The following KRT8 variants were observed in gnomAD, a reference collection of about 807,000 sequenced individuals.
KRT8 encodes keratin, type II cytoskeletal 8.
A neutral mutation model predicts 43.0 loss-of-function variants in KRT8; 24 were observed. The observed-to-expected ratio is 0.56, with a 90% CI of 0.40 to 0.78. The LOEUF is 0.78. KRT8 is among the 30% of genes least tolerant of loss of function. KRT8 has a pLI of 0.00. For missense variants in KRT8, 492 were observed against 638.4 expected (o/e 0.77, Z 2.47); for synonymous variants, 214 against 261.2 (o/e 0.82, Z 1.74).
At chr12:52,930,154 T>C in intron 2 of KRT8, among the ~76,000 whole-genome samples, 1 of 152,188 alleles carries the variant, frequency 6.6e-6, no homozygotes, top group East Asian at 1.9e-4. Flanking sequence ...TTATTATTGT[T>C]ACTATTATTG....
chr12:52,899,868 G>C, exon 5 of KRT8: 2 of 1,612,342 alleles, frequency 1.2e-6, no homozygotes, highest in East Asian at 2.2e-5. Context: ...GGTCATCCCC[G>C]TGCTTCCCAG....
intron 2 of KRT8, among the ~76,000 whole-genome samples, chr12:52,918,240 A>AGAG (rs1941814284): frequency 1.3e-5 from 2 of 151,828 alleles, no homozygotes; most frequent in African/African-American, 4.8e-5. Context: ...AAGAAGAAGA[A>AGAG]GAAGAAGAAG....
At chr12:52,902,873 A>C (rs9652003) in intron 1 of KRT8, among the ~76,000 whole-genome samples, 2 of 152,040 alleles carry the variant, frequency 1.3e-5, no homozygotes, top group Non-Finnish European at 2.9e-5. Context: ...TTAACCGGGC[A>C]TGGTGGCACG....
At chr12:52,935,727 T>G (rs1942160362) in intron 2 of KRT8, among the ~76,000 whole-genome samples, 1 of 151,390 alleles carries the variant, frequency 6.6e-6, no homozygotes, top group South Asian at 2.1e-4. Context: ...CCATATAACC[T>G]TCAACTCCTG....
upstream of KRT8, among the ~76,000 whole-genome samples, chr12:52,906,320 A>G (rs1208427761): frequency 1.3e-5 from 2 of 152,110 alleles, no homozygotes; most frequent in Non-Finnish European, 1.5e-5. Context: ...AGTCACTCCC[A>G]TTGCTCCCAG....
At chr12:52,909,017 A>T (rs1040990543), upstream of KRT8, among the ~76,000 whole-genome samples, 15 of 143,882 alleles carry the variant, frequency 1.0e-4, no homozygotes, top group African/African-American at 4.5e-4. Flanking sequence ...CTGTCTCAAA[A>T]ATAAATAAAT....
At chr12:52,897,476 T>C (rs765370893) in exon 8 of KRT8, 11 of 1,599,262 alleles carry the variant, frequency 6.9e-6, no homozygotes, top group Non-Finnish European at 8.5e-6. Flanking sequence ...TCCCATCACG[T>C]GTCTCGATCT....
At chr12:52,949,149 T>A (rs774897980) in intron 2 of KRT8, 297 of 1,587,992 alleles carry the variant, frequency 1.9e-4, no homozygotes, top group Non-Finnish European at 2.5e-4. Flanking sequence ...GCCTGAGTCC[T>A]GTCCTTTCTC....
chr12:52,902,748 A>C (rs1367292506), intron 1 of KRT8, among the ~76,000 whole-genome samples: 1 of 151,544 alleles, frequency 6.6e-6, no homozygotes, highest in Admixed American at 6.6e-5. Flanking sequence ...GTGGAGGCTC[A>C]CGCTTGTAAT....
At chr12:52,915,323 G>A (rs1482958493) in intron 2 of KRT8, among the ~76,000 whole-genome samples, 5 of 149,320 alleles carry the variant, frequency 3.3e-5, no homozygotes, top group South Asian at 2.1e-4. Flanking sequence ...GCAGTGAGCC[G>A]AGATCTCGCC....
chr12:52,937,202 C>T (rs1942182541), intron 2 of KRT8, among the ~76,000 whole-genome samples: 1 of 150,898 alleles, frequency 6.6e-6, no homozygotes, highest in Non-Finnish European at 1.5e-5. Flanking sequence ...GAAACCCTGT[C>T]TCTACTGAAA....
rs980592429 is a variant in KRT8 at position 52,901,412 on chromosome 12, G to A, written c.534-193C>T. On this transcript the variant is annotated intron_variant, in intron 2 of 7. Coordinates refer to ENST00000692008, the Ensembl canonical transcript of KRT8. ...CCCTCCCTTAGCCCGTGGGAAGCAG[G>A]AAATCTCTCTCCAAATCCATGAATA... The A allele has an allele frequency of 4.2e-5, 27 of 639,888 alleles. 1 individual carries two copies. Among genetic ancestry groups the A allele is most frequent in the Non-Finnish European group, 8.5e-6 (3 of 351,990 alleles). The allele number at this position is 639,888 out of a possible 1,614,324, so 39.6% of individuals were successfully genotyped here. A position where few individuals can be genotyped will look rare whatever the true frequency, so the allele number is the denominator to read the frequency against.
intron 2 of KRT8, among the ~76,000 whole-genome samples, chr12:52,936,207 A>G (rs1260775134): frequency 6.6e-6 from 1 of 152,136 alleles, no homozygotes; most frequent in Non-Finnish European, 1.5e-5. Context: ...AGCTGAGATC[A>G]TGCCACTGCA....
At chr12:52,937,007 C>T (rs1217622931) in intron 2 of KRT8, among the ~76,000 whole-genome samples, 2 of 152,116 alleles carry the variant, frequency 1.3e-5, no homozygotes, top group Admixed American at 1.3e-4. Context: ...AAACTCTCAA[C>T]ATTCAATAAT....
At chr12:52,902,673 C>G (rs1941402453) in intron 1 of KRT8, among the ~76,000 whole-genome samples, 1 of 151,990 alleles carries the variant, frequency 6.6e-6, no homozygotes, top group South Asian at 2.1e-4. Flanking sequence ...TAGGCGTAAG[C>G]CACCGCGCCC....
intron 2 of KRT8, among the ~76,000 whole-genome samples, chr12:52,930,321 G>A (rs549620914): frequency 1.3e-5 from 2 of 151,974 alleles, no homozygotes; most frequent in Admixed American, 6.6e-5. Context: ...AGGTTCAAGC[G>A]ATTCTGCTGC....
intron 2 of KRT8, among the ~76,000 whole-genome samples, chr12:52,912,672 C>A (rs1437812881): frequency 6.6e-6 from 1 of 152,224 alleles, no homozygotes; most frequent in Non-Finnish European, 1.5e-5. Flanking sequence ...AGTCGCCTGG[C>A]CTCCATGTCT....
chr12:52,934,286 C>T (rs1390919088), intron 2 of KRT8, among the ~76,000 whole-genome samples: 1 of 148,822 alleles, frequency 6.7e-6, no homozygotes, highest in Non-Finnish European at 1.5e-5. Flanking sequence ...AGAAGCCGGG[C>T]ACAGTGGTTT....
upstream of KRT8, among the ~76,000 whole-genome samples, chr12:52,909,042 G>A (rs2120603997): frequency 2.6e-5 from 4 of 152,276 alleles, no homozygotes; most frequent in South Asian, 8.3e-4. Flanking sequence ...AAACAAATTT[G>A]ATGATGGTGA....
Sources: gnomAD v4.1 joint callset for allele counts (sites outside exome capture counted in the v4.1 genomes callset) on GRCh38, gnomAD v4.1.1 for gene constraint, MANE v1.5 for transcripts, NCBI Gene and HGNC (gene_info 2026-07-23, HGNC 2026-07-21) for gene names.